The following NEK4 variants were observed in gnomAD, a reference collection of about 807,000 sequenced individuals.
NEK4 encodes NIMA related kinase 4.
Under a neutral mutation model 98.4 loss-of-function variants are expected in NEK4, and 86 were observed. The observed-to-expected ratio is 0.87, with a 90% CI of 0.73 to 1.05. The LOEUF (loss-of-function observed/expected upper bound fraction) is 1.05, where lower values mean the gene tolerates loss of function less well. NEK4 is among the 50% of genes least tolerant of loss of function. The probability of loss-of-function intolerance (pLI) is 0.00; values close to 1 mark genes in which losing one functional copy is unlikely to be tolerated. For synonymous variants in NEK4, 328 were observed against 342.2 expected (o/e 0.96, Z 0.46); for missense variants, 898 against 950.3 (o/e 0.94, Z 0.72).
chr3:52,754,100 T>G, intron 6 of NEK4: 1 of 247,710 alleles, frequency 4.0e-6, no homozygotes, highest in Non-Finnish European at 8.0e-6. Context: ...AGGCAGAGGT[T>G]GCGGTGAGCC....
At chr3:52,722,161 T>G (rs1183776849) in intron 15 of NEK4, among the ~76,000 whole-genome samples, 1 of 152,218 alleles carries the variant, frequency 6.6e-6, no homozygotes, top group African/African-American at 2.4e-5. Context: ...TTAGGGGGAC[T>G]TCCCCACCTT....
chr3:52,729,573 T>C (rs949236144), intron 15 of NEK4, among the ~76,000 whole-genome samples: 2 of 151,778 alleles, frequency 1.3e-5, no homozygotes, highest in Non-Finnish European at 2.9e-5. Context: ...CCAGGCATGA[T>C]GGCAGTTGCC....
intron 5 of NEK4, among the ~76,000 whole-genome samples, chr3:52,761,830 TG>T (rs1698368355): frequency 6.6e-6 from 1 of 152,240 alleles, no homozygotes; most frequent in Admixed American, 6.5e-5. Context: ...ATACCACAAC[TG>T]CTTGGCTAAC....
intron 4 of NEK4, among the ~76,000 whole-genome samples, chr3:52,765,258 C>T (rs1326528410): frequency 6.8e-6 from 1 of 147,528 alleles, no homozygotes; most frequent in East Asian, 2.0e-4. Context: ...AGCTAAGGCA[C>T]AAGAATCACT....
intron 2 of NEK4, among the ~76,000 whole-genome samples, chr3:52,766,814 G>A (rs918034637): frequency 1.3e-4 from 20 of 151,540 alleles, no homozygotes; most frequent in Non-Finnish European, 2.4e-4. Context: ...GTGAAACCCC[G>A]TCTCTACTAA....
chr3:52,752,040 C>A lies in NEK4; in HGVS notation c.1260G>T (p.Gln420His). Residue 420 changes from glutamine (Q) to histidine (H), a missense_variant, in exon 7 of 16, where the codon CAG becomes CAT. Coordinates refer to ENST00000233027, the MANE Select transcript of NEK4 (RefSeq NM_003157.6). ...ACCACATGGGAATCAGGTTTTCAGG[C>A]TGGGCACTGGATTTAGTGTTGTCCT... is the stretch of plus-strand genomic sequence containing the variant. The part of the protein sequence containing the change: ...MLQDNTKSSA[Q>H]PENLIPMWSS... The A allele has an allele frequency of 6.2e-7, 1 of 1,614,220 alleles. No homozygotes were observed. The highest frequency in any genetic ancestry group is 1.1e-5 in the South Asian group (1 of 91,088).
intron 1 of NEK4, among the ~76,000 whole-genome samples, chr3:52,770,423 TAAAG>T (rs1427099794): frequency 6.7e-6 from 1 of 150,240 alleles, no homozygotes; most frequent in East Asian, 2.0e-4. Flanking sequence ...GAATTGTAAT[TAAAG>T]AAAATGAAAA....
chr3:52,739,300 G>A (rs533472787), intron 14 of NEK4, 129 bp downstream of exon 14: 2 of 712,872 alleles, frequency 2.8e-6, no homozygotes, highest in East Asian at 2.6e-5. Flanking sequence ...TTGGGAGGCT[G>A]AAGCAGGAGA....
At chr3:52,720,675 T>C (rs193013125) in intron 15 of NEK4, among the ~76,000 whole-genome samples, 69 of 152,222 alleles carry the variant, frequency 4.5e-4, no homozygotes, top group Non-Finnish European at 4.4e-4. Flanking sequence ...AAATCTATCA[T>C]TCAAAAATAA....
At chr3:52,752,869 C>T (rs1248446049) in intron 6 of NEK4, among the ~76,000 whole-genome samples, 2 of 137,300 alleles carry the variant, frequency 1.5e-5, no homozygotes, top group East Asian at 2.1e-4. Flanking sequence ...CACTGCACTC[C>T]AGCCTGGGCA....
Position 52,760,801 on chromosome 3 carries a change from A to G in NEK4, c.957T>C (p.Tyr319=), listed in dbSNP as rs942294186. 3 of 1,603,414 alleles carry G rather than the reference A, an allele frequency of 1.9e-6. No homozygotes were observed. The African/African-American group carries it at 4.0e-5, about 22-fold the overall frequency. The part of the protein sequence containing the change: ...QPLSSEGSQT[Y]IMGEGKCLSQ... ...CCTTTAAAAAGAAACGTACCATTAT[A>G]TATGTCTGGGAGCCCTCAGAAGAGA... Residue 319 remains tyrosine (Y), a synonymous_variant, in exon 6 of 16, where the codon TAT becomes TAC. Transcript: ENST00000233027.
chr3:52,756,561 A>C (rs1477355694), intron 6 of NEK4, among the ~76,000 whole-genome samples: 26 of 152,214 alleles, frequency 1.7e-4, no homozygotes, highest in Admixed American at 1.7e-3. Context: ...ATACAGAATA[A>C]TGAAGTCAGA....
chr3:52,715,213 G>A (rs1381437581), intron 15 of NEK4, among the ~76,000 whole-genome samples: 7 of 152,204 alleles, frequency 4.6e-5, no homozygotes, highest in Admixed American at 4.6e-4. Context: ...TGCCGTTTAA[G>A]TCCCCTAAAA....
intron 15 of NEK4, among the ~76,000 whole-genome samples, chr3:52,724,694 A>G (rs113210956): frequency 3.7e-4 from 57 of 152,344 alleles, no homozygotes; most frequent in Middle Eastern, 6.8e-3. Context: ...GTGTTGGTCA[A>G]AGGGTACAAG....
Position 52,770,817 on chromosome 3 carries a change from C to T in NEK4, c.-71G>A. ...TAGGGCAGCGGGCGGCAACAAGAAGCTCGGTTCATGCCCGAGAGGGGGCAG... is the reference window on the plus strand; with the variant it reads ...TAGGGCAGCGGGCGGCAACAAGAAGTTCGGTTCATGCCCGAGAGGGGGCAG... On this transcript the variant is annotated 5_prime_UTR_variant, in exon 1 of 16. Coordinates refer to ENST00000233027, the MANE Select transcript of NEK4 (RefSeq NM_003157.6). The T allele has an allele frequency of 7.4e-7, 1 of 1,359,662 alleles. No individual in the cohort carries two copies. Among genetic ancestry groups the T allele is most frequent in the Non-Finnish European group, 1.0e-6 (1 of 993,000 alleles). The allele number at this position is 1,359,662 out of a possible 1,614,324, so 84.2% of individuals were successfully genotyped here.
chr3:52,749,224 C>A (rs1239496703), intron 8 of NEK4, among the ~76,000 whole-genome samples: 1 of 151,954 alleles, frequency 6.6e-6, no homozygotes, highest in Non-Finnish European at 1.5e-5. Context: ...CCTCTGCCTC[C>A]CAGGTTCAAG....
chr3:52,759,926 A>G (rs1698296527), intron 6 of NEK4, among the ~76,000 whole-genome samples: 1 of 152,140 alleles, frequency 6.6e-6, no homozygotes, highest in African/African-American at 2.4e-5. Context: ...TGCTACATGG[A>G]TGAACCTTGA....
chr3:52,724,924 T>C (rs563274702), intron 15 of NEK4, among the ~76,000 whole-genome samples: 73 of 152,328 alleles, frequency 4.8e-4, no homozygotes, highest in Admixed American at 1.2e-3. Flanking sequence ...TTGTACTCTA[T>C]AAATATGTAC....
intron 13 of NEK4, among the ~76,000 whole-genome samples, 188 bp downstream of exon 13, chr3:52,741,223 C>A (rs374179768): frequency 4.0e-5 from 5 of 124,710 alleles, no homozygotes; most frequent in African/African-American, 1.3e-4. Context: ...GCAACAAGAG[C>A]GAAACTCCGT....
Sources: allele counts gnomAD v4.1 joint callset (sites outside exome capture counted in the v4.1 genomes callset), GRCh38; gene constraint gnomAD v4.1.1; transcripts MANE v1.5; gene names NCBI Gene and HGNC (gene_info 2026-07-23, HGNC 2026-07-21).